Variants in PCOLCE2 observed in about 807,000 individuals in gnomAD.
The protein encoded by PCOLCE2 is procollagen C-proteinase enhancer 2.
PCOLCE2 carries 42 observed loss-of-function variants against 47.0 expected under a neutral mutation model. The observed-to-expected ratio is 0.89, with a 90% CI of 0.70 to 1.16. The LOEUF is 1.16. PCOLCE2 is among the 50% of genes most tolerant of loss of function. The pLI, the probability that PCOLCE2 is intolerant of heterozygous loss-of-function variation, is 0.00. For missense variants in PCOLCE2, 500 were observed against 526.1 expected, an observed-to-expected ratio of 0.95 and a Z score of 0.49; for synonymous variants, 169 against 191.7, an observed-to-expected ratio of 0.88 and a Z score of 0.98.
rs1937272767 is a variant in PCOLCE2 at position 142,842,381 on chromosome 3, A to G, written c.573+543T>C. On this transcript the variant is annotated intron_variant, in intron 4 of 8. Transcript: ENST00000295992. This position sits in a 1 kb window ranked among gnomAD's most constrained non-coding sequence, Gnocchi z 4.1. ...TCTGCTTACCATTTGTATTTTTAAAACTGTTTTGAAAATTGTCATTATATA... is the reference window on the plus strand; with the variant it reads ...TCTGCTTACCATTTGTATTTTTAAAGCTGTTTTGAAAATTGTCATTATATA... Among the ~76,000 whole-genome samples the G allele has an allele frequency of 6.6e-6, 1 of 152,100 alleles. No individual in the cohort carries two copies. Among genetic ancestry groups the G allele is most frequent in the South Asian group, 2.1e-4 (1 of 4,826 alleles).
At chr3:142,837,679 C>T (rs1427451299) in intron 5 of PCOLCE2, among the ~76,000 whole-genome samples, 1 of 152,090 alleles carries the variant, frequency 6.6e-6, no homozygotes, top group East Asian at 1.9e-4. Flanking sequence ...AAATATCTTG[C>T]ACCAAAATAC....
At chr3:142,869,637 C>T (rs1367044538) in intron 2 of PCOLCE2, among the ~76,000 whole-genome samples, 1 of 152,192 alleles carries the variant, frequency 6.6e-6, no homozygotes, top group Non-Finnish European at 1.5e-5. Context: ...CTCCACAACC[C>T]TTTATCTTAA....
rs1419536017 is a variant in PCOLCE2, at chr3:142,821,019, T to C, written c.976A>G (p.Ile326Val). The change falls in exon 8 of 9, where the codon ATC (isoleucine) becomes GTC (valine). Residue 326 changes from isoleucine to valine, a missense_variant. Physicochemically the swap from Ile to Val is conservative, Grantham distance 29. Transcript: ENST00000295992. ...FVLAGTVITT[I>V]TRDGSLHATV... Reference sequence around the variant, plus strand: ...GCGTGCAAACTCCCATCGCGAGTGATGGTTGTGATAACAGTGCCGGCTAAT... The same window carrying C: ...GCGTGCAAACTCCCATCGCGAGTGACGGTTGTGATAACAGTGCCGGCTAAT... 2.5e-6 allele frequency: 4 copies of C among 1,612,514 alleles called. No individual in the cohort carries two copies. The highest frequency in any genetic ancestry group is 3.3e-5 in the Admixed American group (2 of 59,992).
At chr3:142,843,264 C>T (rs755638172) in intron 3 of PCOLCE2, 7 of 629,804 alleles carry the variant, frequency 1.1e-5, no homozygotes, top group African/African-American at 9.0e-5. Context: ...CATAGCAACA[C>T]GAGAGAGGGG....
intron 2 of PCOLCE2, among the ~76,000 whole-genome samples, chr3:142,875,303 A>G (rs1041022308): frequency 6.6e-6 from 1 of 152,164 alleles, no homozygotes; most frequent in Admixed American, 6.5e-5. Context: ...TCAAAATGCC[A>G]GTTGTTTGGG....
At chr3:142,874,285 A>G (rs1933452608) in intron 2 of PCOLCE2, among the ~76,000 whole-genome samples, 1 of 152,210 alleles carries the variant, frequency 6.6e-6, no homozygotes, top group Admixed American at 6.5e-5. Flanking sequence ...CATGTTAGCC[A>G]GGATGGTCTT....
At chr3:142,832,535 T>C (rs1227312453) in intron 5 of PCOLCE2, among the ~76,000 whole-genome samples, 1 of 152,174 alleles carries the variant, frequency 6.6e-6, no homozygotes, top group East Asian at 1.9e-4. Flanking sequence ...TCAAGACTCA[T>C]CTTCGAGAGG....
chr3:142,835,094 A>C (rs1411262183), intron 5 of PCOLCE2, among the ~76,000 whole-genome samples: 1 of 152,018 alleles, frequency 6.6e-6, no homozygotes, highest in African/African-American at 2.4e-5. Flanking sequence ...AAGCCTGTTC[A>C]TTGTTTTTCA....
At chr3:142,882,453 G>A (rs115939831) in intron 2 of PCOLCE2, among the ~76,000 whole-genome samples, 2,447 of 152,226 alleles carry the variant, frequency 0.016, 63 homozygotes, top group African/African-American at 0.057. Flanking sequence ...GATTTATGCT[G>A]AGAATAACTG....
At chr3:142,886,117 G>T (rs540086897) in intron 2 of PCOLCE2, among the ~76,000 whole-genome samples, 98 of 152,296 alleles carry the variant, frequency 6.4e-4, no homozygotes, top group African/African-American at 2.2e-3. Flanking sequence ...CCCTTCACAG[G>T]ACATCCAGAT....
At chr3:142,857,209 G>A (rs1195290115) in intron 2 of PCOLCE2, among the ~76,000 whole-genome samples, 2 of 152,188 alleles carry the variant, frequency 1.3e-5, no homozygotes, top group African/African-American at 4.8e-5. Context: ...CTGTGGCTGC[G>A]AGGAGCAGCA....
intron 2 of PCOLCE2, among the ~76,000 whole-genome samples, chr3:142,865,073 G>A (rs545052703): frequency 6.6e-6 from 1 of 152,020 alleles, no homozygotes; most frequent in South Asian, 2.1e-4. Flanking sequence ...TTTCCAAAGT[G>A]GCTGTACCAT....
Position 142,842,680 on chromosome 3 carries a change from G to A in PCOLCE2, c.573+244C>T, listed in dbSNP as rs1316166526. 4.0e-5 allele frequency among the ~76,000 whole-genome samples: 6 copies of A among 151,754 alleles called. No homozygotes were observed. The highest frequency in any genetic ancestry group is 9.7e-5 in the African/African-American group (4 of 41,292). On this transcript the variant is annotated intron_variant, in intron 4 of 8. Coordinates refer to ENST00000295992, the MANE Select transcript of PCOLCE2 (RefSeq NM_013363.4). This position sits in a 1 kb window ranked among gnomAD's most constrained non-coding sequence, Gnocchi z 4.1. Reference sequence around the variant, plus strand: ...CTTGAACCCAGGAGGTGGAGGTTGCGGTGAGCTGAGATCGCACCATTGCAC... The same window carrying A: ...CTTGAACCCAGGAGGTGGAGGTTGCAGTGAGCTGAGATCGCACCATTGCAC...
At chr3:142,854,052 TTAGGATA>T (rs927670397) in intron 2 of PCOLCE2, among the ~76,000 whole-genome samples, 3 of 152,176 alleles carry the variant, frequency 2.0e-5, no homozygotes, top group Non-Finnish European at 2.9e-5. Context: ...GTTTGCATTT[TTAGGATA>T]CTATGAGCAA....
At chr3:142,827,325 C>T in intron 6 of PCOLCE2, 3 of 1,403,558 alleles carry the variant, frequency 2.1e-6, no homozygotes, top group Non-Finnish European at 3.0e-6. Context: ...GCTTGGCAAG[C>T]CTTCAAGATG....
intron 5 of PCOLCE2, 149 bp downstream of exon 5, chr3:142,838,621 C>T (rs980318224): frequency 4.6e-6 from 3 of 653,496 alleles, no homozygotes; most frequent in African/African-American, 1.8e-5. Flanking sequence ...TATTTCTTTA[C>T]AGCAGTGCGA....
intron 4 of PCOLCE2, among the ~76,000 whole-genome samples, chr3:142,840,243 A>AT (rs2108193152): frequency 6.6e-6 from 1 of 152,312 alleles, no homozygotes; most frequent in African/African-American, 2.4e-5. Context: ...GTATTTCTCA[A>AT]TTTTTTGCAC....
chr3:142,886,714 G>A (rs11716897), intron 2 of PCOLCE2, among the ~76,000 whole-genome samples: 39,126 of 152,054 alleles, frequency 0.26, 5,978 homozygotes, highest in Non-Finnish European at 0.35. Flanking sequence ...TTCTATAATT[G>A]TTTCAGGCCT....
intron 5 of PCOLCE2, among the ~76,000 whole-genome samples, chr3:142,832,487 G>A: frequency 6.6e-6 from 1 of 152,080 alleles, no homozygotes. Flanking sequence ...CTTGGGATGA[G>A]CTTGTCCTCC....
Sources: gnomAD v4.1 joint callset for allele counts (sites outside exome capture counted in the v4.1 genomes callset) on GRCh38, gnomAD v4.1.1 for gene constraint, Gnocchi (gnomAD v3.1) non-coding constraint, MANE v1.5 for transcripts, NCBI Gene and HGNC (gene_info 2026-07-23, HGNC 2026-07-21) for gene names.